Variants in SNTG2 observed in about 807,000 individuals in gnomAD.
The protein encoded by SNTG2 is gamma-2-syntrophin.
Under a neutral mutation model 70.9 loss-of-function variants are expected in SNTG2, and 74 were observed. The ratio of observed to expected loss-of-function variants is 1.04; its 90% CI spans 0.86 to 1.27. The LOEUF is 1.27. Ranked by LOEUF, SNTG2 falls within the 50% of genes most tolerant of loss-of-function variation. The pLI, the probability that SNTG2 is intolerant of heterozygous loss-of-function variation, is 0.00. For synonymous variants in SNTG2, 278 were observed against 273.8 expected, an observed-to-expected ratio of 1.02 and a Z score of -0.15; for missense variants, 717 against 690.7, an observed-to-expected ratio of 1.04 and a Z score of -0.43.
chr2:1,208,393 C>T (rs889744550), intron 8 of SNTG2, among the ~76,000 whole-genome samples: 13 of 152,182 alleles, frequency 8.5e-5, no homozygotes, highest in African/African-American at 2.9e-4. Context: ...TCATTCCCAG[C>T]GAGCCCGGCT....
At chr2:1,125,933 G>T (rs1667672941) in intron 4 of SNTG2, among the ~76,000 whole-genome samples, 1 of 152,062 alleles carries the variant, frequency 6.6e-6, no homozygotes, top group African/African-American at 2.4e-5. Context: ...ACAATTTATA[G>T]TGCTCAGATC....
At position 1,221,465 on chromosome 2, in the gene SNTG2, G is replaced by GTC. The variant is rs1191385872; in HGVS notation, c.719+12241_719+12242dup. 3.4e-3 allele frequency among the ~76,000 whole-genome samples: 71 copies of GTC among 20,632 alleles called. 9 individuals carry two copies. The highest frequency in any genetic ancestry group is 0.01 in the East Asian group (2 of 196). The allele number at this position is 20,632 out of a possible 152,430, so 13.5% of individuals were successfully genotyped here. On this transcript the variant is annotated intron_variant, in intron 9 of 16. Transcript: ENST00000308624. Reference sequence around the variant, plus strand: ...TCTGTCTCTGTCTCTCTCTGTCTCTGTCTCTCTGTCTCTCTCTCTCTCTGT... The same window carrying GTC: ...TCTGTCTCTGTCTCTCTCTGTCTCTGTCTCTCTCTGTCTCTCTCTCTCTCTGT...
At chr2:1,280,725 A>T (rs537236604) in intron 14 of SNTG2, among the ~76,000 whole-genome samples, 6 of 152,386 alleles carry the variant, frequency 3.9e-5, no homozygotes, top group African/African-American at 1.4e-4. Flanking sequence ...CAATAAATTC[A>T]CAAGTGACCT....
intron 1 of SNTG2, among the ~76,000 whole-genome samples, chr2:1,038,964 A>G (rs73166518): frequency 0.034 from 5,162 of 152,286 alleles, 296 homozygotes; most frequent in African/African-American, 0.12. Context: ...TAAGAACAAC[A>G]TCTTTATTGA....
intron 1 of SNTG2, among the ~76,000 whole-genome samples, chr2:1,021,966 T>C (rs1572235932): frequency 8.8e-6 from 1 of 114,108 alleles, no homozygotes; most frequent in Admixed American, 1.1e-4. Context: ...AGTGAAAACA[T>C]AAGCTCCTAA....
intron 1 of SNTG2, among the ~76,000 whole-genome samples, chr2:1,061,919 T>C (rs1662849540): frequency 6.6e-6 from 1 of 152,066 alleles, no homozygotes; most frequent in Non-Finnish European, 1.5e-5. Context: ...ATAAAACAAT[T>C]ACTAAAGAAA....
intron 14 of SNTG2, among the ~76,000 whole-genome samples, chr2:1,301,569 A>G (rs192797048): frequency 3.6e-4 from 55 of 152,300 alleles, no homozygotes; most frequent in African/African-American, 1.3e-3. Context: ...AAAGAAAAAG[A>G]AAACAAATCT....
chr2:1,036,155 C>T (rs1049206549), intron 1 of SNTG2, among the ~76,000 whole-genome samples: 2 of 152,136 alleles, frequency 1.3e-5, no homozygotes, highest in Admixed American at 1.3e-4. Context: ...CAGAACTCCT[C>T]ATATATTTGG....
At chr2:1,048,780 C>T (rs1661887504) in intron 1 of SNTG2, among the ~76,000 whole-genome samples, 1 of 152,122 alleles carries the variant, frequency 6.6e-6, no homozygotes, top group Non-Finnish European at 1.5e-5. Flanking sequence ...CATCATAAAC[C>T]CAGCAACTGT....
intron 14 of SNTG2, among the ~76,000 whole-genome samples, chr2:1,269,152 A>G (rs1396514046): frequency 6.6e-6 from 1 of 152,220 alleles, no homozygotes; most frequent in Non-Finnish European, 1.5e-5. Flanking sequence ...GATTCCTAAA[A>G]AATAGAATTT....
intron 16 of SNTG2, among the ~76,000 whole-genome samples, chr2:1,331,977 C>T (rs767112682): frequency 1.4e-4 from 21 of 151,920 alleles, no homozygotes; most frequent in African/African-American, 1.7e-4. Flanking sequence ...CTGTTCTTCA[C>T]GACACAACCC....
rs966783140 is a variant in SNTG2, at chr2:1,109,945, A to C, written c.325+11535A>C. On this transcript the variant is annotated intron_variant, in intron 4 of 16. Coordinates refer to ENST00000308624, the MANE Select transcript of SNTG2 (RefSeq NM_018968.4). The stretch of plus-strand genomic sequence containing the variant: ...TTCTCATGTGGAGTATTCATCGTTC[A>C]GCGCCAGGAAGTATCCTGAGCTGAA... Among the ~76,000 whole-genome samples the C allele has an allele frequency of 6.8e-4, 103 of 152,232 alleles. 1 individual carries two copies. Among genetic ancestry groups the C allele is most frequent in the Admixed American group, 8.5e-4 (13 of 15,282 alleles).
chr2:1,308,378 G>C, intron 14 of SNTG2, 116 bp from the exon 15 acceptor site: 1 of 902,446 alleles, frequency 1.1e-6, no homozygotes, highest in South Asian at 1.6e-5. Context: ...CCCGTAACTT[G>C]CATATGAGAG....
rs140326951 is a variant in SNTG2 at position 1,331,375 on chromosome 2, G to A, written c.1488+15000G>A. Among the ~76,000 whole-genome samples, 647 of 152,344 alleles carry A rather than the reference G, an allele frequency of 4.2e-3. 7 individuals are homozygous for A. The highest frequency in any genetic ancestry group is 0.015 in the African/African-American group (606 of 41,564). On this transcript the variant is annotated intron_variant, in intron 16 of 16. Coordinates refer to ENST00000308624, the MANE Select transcript of SNTG2 (RefSeq NM_018968.4). ...GAAGTGAAACCACTGGTGCTAGACT[G>A]GAATACTGTGAAGCAGACCTTCTGC...
chr2:956,331 ACTC>A (rs1187969314), intron 1 of SNTG2, among the ~76,000 whole-genome samples: 1 of 149,844 alleles, frequency 6.7e-6, no homozygotes, highest in South Asian at 2.2e-4. Context: ...CCTTTCCAAA[ACTC>A]CTCTCTGCAG....
At chr2:1,190,601 C>A (rs1672535882) in intron 8 of SNTG2, among the ~76,000 whole-genome samples, 5 of 139,254 alleles carry the variant, frequency 3.6e-5, no homozygotes, top group African/African-American at 1.1e-4. Flanking sequence ...TAATACTTAA[C>A]CATATATATA....
intron 9 of SNTG2, among the ~76,000 whole-genome samples, chr2:1,220,907 C>T (rs1317223882): frequency 6.6e-6 from 1 of 152,216 alleles, no homozygotes; most frequent in Non-Finnish European, 1.5e-5. Context: ...CACTGCTAAG[C>T]AGATGAATGA....
rs181765501 is a variant in SNTG2, at chr2:1,153,464, C to T, written c.412-12084C>T. ...CGAATGACACATCAAAAGGATCTGC[C>T]TCTGAATTATAAAGAAAATATTATA... On this transcript the variant is annotated intron_variant, in intron 6 of 16. Transcript: ENST00000308624. 1.2e-4 allele frequency among the ~76,000 whole-genome samples: 18 copies of T among 152,262 alleles called. No homozygotes were observed. The East Asian group carries it at 2.9e-3, about 24-fold the overall frequency.
At chr2:1,183,216 C>G (rs1672032381) in intron 8 of SNTG2, among the ~76,000 whole-genome samples, 1 of 150,196 alleles carries the variant, frequency 6.7e-6, no homozygotes, top group Non-Finnish European at 1.5e-5. Flanking sequence ...CAGTATTCCA[C>G]TGTATGCTCA....
Sources: gnomAD v4.1 joint callset for allele counts (sites outside exome capture counted in the v4.1 genomes callset) on GRCh38, gnomAD v4.1.1 for gene constraint, MANE v1.5 for transcripts, NCBI Gene and HGNC (gene_info 2026-07-23, HGNC 2026-07-21) for gene names.